Variants in IFT88 observed in about 807,000 individuals in gnomAD.
IFT88 encodes the protein intraflagellar transport 88, also known as intraflagellar transport protein 88 homolog.
Under a neutral mutation model 119.5 loss-of-function variants are expected in IFT88, and 74 were observed. The ratio of observed to expected loss-of-function variants is 0.62; its 90% CI spans 0.51 to 0.75. The LOEUF (loss-of-function observed/expected upper bound fraction) is 0.75. IFT88 is among the 30% of genes least tolerant of loss of function. IFT88 has a pLI of 0.00. For synonymous variants in IFT88, 279 were observed against 316.7 expected (o/e 0.88, Z 1.26); for missense variants, 961 against 977.7 (o/e 0.98, Z 0.23).
At chr13:20,660,195 T>G (rs2140751874) in intron 22 of IFT88, among the ~76,000 whole-genome samples, 1 of 152,316 alleles carries the variant, frequency 6.6e-6, no homozygotes, top group East Asian at 1.9e-4. Context: ...GACAGGGTTG[T>G]CATGGAACGG....
chr13:20,604,622 C>A (rs1399070549), intron 12 of IFT88, among the ~76,000 whole-genome samples: 1 of 152,174 alleles, frequency 6.6e-6, no homozygotes, highest in Non-Finnish European at 1.5e-5. Context: ...AATTTACTCT[C>A]CCTTTTTTAA....
intron 24 of IFT88, among the ~76,000 whole-genome samples, chr13:20,689,212 G>A (rs1194614812): frequency 1.3e-5 from 2 of 152,280 alleles, no homozygotes; most frequent in African/African-American, 4.8e-5. Flanking sequence ...GATTACAGGC[G>A]TGAGTCACCG....
intron 12 of IFT88, 30 bp downstream of exon 12, chr13:20,601,963 A>G: frequency 8.2e-7 from 1 of 1,215,550 alleles, no homozygotes; most frequent in Non-Finnish European, 1.2e-6. Context: ...TTCTGTAGCC[A>G]CTTCCCACTT....
Position 20,646,217 on chromosome 13 carries a change from T to G in IFT88, c.1949+1259T>G, listed in dbSNP as rs546826106. ...CAAGTTTTGACCTCCCTAACTCCAT[T>G]GATCTTTACCCTCTCTGTAGTTCAG... On this transcript the variant is annotated intron_variant, in intron 20 of 25. Coordinates refer to ENST00000351808, the MANE Select transcript of IFT88 (RefSeq NM_006531.5). Among the ~76,000 whole-genome samples the G allele has an allele frequency of 2.6e-5, 4 of 152,294 alleles. No homozygotes were observed. In the East Asian group the frequency reaches 7.7e-4, roughly 29 times the overall value.
At chr13:20,617,739 G>A (rs9509301) in intron 14 of IFT88, among the ~76,000 whole-genome samples, 57,421 of 152,056 alleles carry the variant, frequency 0.38, 13,471 homozygotes, top group Non-Finnish European at 0.52. Flanking sequence ...GGTCATTACT[G>A]GAATGAGACT....
chr13:20,591,513 C>G, intron 5 of IFT88, 105 bp from the exon 6 acceptor site: 1 of 725,146 alleles, frequency 1.4e-6, no homozygotes, highest in South Asian at 2.0e-5. Context: ...GATTGAAAAT[C>G]AGCATTTTTT....
At chr13:20,607,280 T>A (rs903000113) in intron 13 of IFT88, 1 of 432,112 alleles carries the variant, frequency 2.3e-6, no homozygotes, top group Non-Finnish European at 4.7e-6. Flanking sequence ...CTACCCGTAC[T>A]GCGTGCTGCC....
intron 12 of IFT88, among the ~76,000 whole-genome samples, chr13:20,604,371 G>C (rs1174507788): frequency 6.6e-6 from 1 of 152,146 alleles, no homozygotes; most frequent in African/African-American, 2.4e-5. Context: ...TGTTTTTAAT[G>C]GGGAGTAGAG....
intron 24 of IFT88, among the ~76,000 whole-genome samples, chr13:20,684,323 A>G (rs2141228688): frequency 6.6e-6 from 1 of 152,078 alleles, no homozygotes; most frequent in South Asian, 2.1e-4. Context: ...GAGTCAGGCC[A>G]CTCTTTTTCT....
intron 14 of IFT88, among the ~76,000 whole-genome samples, chr13:20,625,045 C>T (rs550896122): frequency 1.2e-3 from 179 of 150,948 alleles, no homozygotes; most frequent in Non-Finnish European, 1.8e-3. Context: ...TTCCCAGTCC[C>T]ACCACCCCCT....
Position 20,599,560 on chromosome 13 carries a change from A to T in IFT88, c.807A>T (p.Gln269His). The T allele has an allele frequency of 7.2e-7, 1 of 1,383,724 alleles. No homozygotes were observed. The highest frequency in any genetic ancestry group is 1.3e-5 in the South Asian group (1 of 78,248). 85.7% of individuals were successfully genotyped at this position (1,383,724 alleles called of 1,614,324 possible). The change falls in exon 11 of 26, where the codon CAA becomes CAT. Residue 269 changes from glutamine (Q) to histidine (H), a missense_variant. By Grantham distance (24) the Gln-to-His change is conservative. Transcript: ENST00000351808. ...ALDQVPSVNK[Q>H]MRIKIMQNIG... ...ACCAAGTTCCAAGTGTCAATAAGCA[A>T]ATGAGGTAAGTTTATAACAATAGAT...
At chr13:20,648,381 G>A (rs1189032686) in intron 20 of IFT88, among the ~76,000 whole-genome samples, 1 of 152,172 alleles carries the variant, frequency 6.6e-6, no homozygotes, top group Non-Finnish European at 1.5e-5. Context: ...GGGTGACAGA[G>A]CGAGACTCCA....
intron 20 of IFT88, among the ~76,000 whole-genome samples, chr13:20,647,931 A>G (rs1409524119): frequency 6.6e-6 from 1 of 152,224 alleles, no homozygotes; most frequent in Non-Finnish European, 1.5e-5. Context: ...CAAAGAGAGA[A>G]TCTCGACAGC....
intron 2 of IFT88, among the ~76,000 whole-genome samples, chr13:20,578,235 G>C (rs2037836251): frequency 1.3e-5 from 2 of 150,826 alleles, no homozygotes; most frequent in Non-Finnish European, 3.0e-5. Context: ...TTTTAGTAGA[G>C]ACAGAGTTTC....
intron 15 of IFT88, among the ~76,000 whole-genome samples, chr13:20,629,164 C>T (rs2047803975): frequency 6.6e-6 from 1 of 152,036 alleles, no homozygotes; most frequent in Admixed American, 6.6e-5. Flanking sequence ...AAGTAATACA[C>T]CATTTATTAT....
At chr13:20,622,500 AGT>A (rs1455088656) in intron 14 of IFT88, among the ~76,000 whole-genome samples, 1 of 152,208 alleles carries the variant, frequency 6.6e-6, no homozygotes, top group Non-Finnish European at 1.5e-5. Context: ...TGGTAATGTC[AGT>A]GTTTCAATTT....
chr13:20,568,942 G>A (rs2035588107), intron 1 of IFT88, among the ~76,000 whole-genome samples: 1 of 151,980 alleles, frequency 6.6e-6, no homozygotes, highest in Non-Finnish European at 1.5e-5. Flanking sequence ...GGATGGTCTC[G>A]ATCTCCTGAC....
chr13:20,644,426 G>C (rs2050433722), intron 19 of IFT88, among the ~76,000 whole-genome samples: 2 of 152,094 alleles, frequency 1.3e-5, no homozygotes, highest in South Asian at 4.1e-4. Flanking sequence ...GCCTGAACCT[G>C]GGAGGCAGAG....
chr13:20,570,554 C>A (rs1265845209), intron 1 of IFT88, among the ~76,000 whole-genome samples: 1 of 152,194 alleles, frequency 6.6e-6, no homozygotes, highest in Non-Finnish European at 1.5e-5. Flanking sequence ...TTGATACATA[C>A]TACTGCGTGG....
Sources: allele counts gnomAD v4.1 joint callset (sites outside exome capture counted in the v4.1 genomes callset), GRCh38; gene constraint gnomAD v4.1.1; transcripts MANE v1.5; gene names NCBI Gene and HGNC (gene_info 2026-07-23, HGNC 2026-07-21).